MAST4: variants seen among roughly 807,000 people sequenced by gnomAD.
The protein encoded by MAST4 is microtubule-associated serine/threonine-protein kinase 4.
Under a neutral mutation model 162.7 loss-of-function variants are expected in MAST4, and 89 were observed. The observed-to-expected ratio is 0.55, with a 90% CI of 0.46 to 0.65. The LOEUF (loss-of-function observed/expected upper bound fraction) is 0.65, where lower values mean the gene tolerates loss of function less well. MAST4 is among the 30% of genes least tolerant of loss of function. MAST4 has a pLI of 0.00. For missense variants in MAST4, 3,153 were observed against 3,374.0 expected (o/e 0.93, Z 1.62); for synonymous variants, 1,479 against 1,361.1 (o/e 1.09, Z -1.91).
At chr5:67,146,586 C>G (rs868827623) in intron 23 of MAST4, among the ~76,000 whole-genome samples, 5 of 152,072 alleles carry the variant, frequency 3.3e-5, no homozygotes, top group Non-Finnish European at 5.9e-5. Flanking sequence ...ACTGAATATT[C>G]ATAGTGTAAG....
At chr5:66,866,559 G>T (rs1193696300) in intron 3 of MAST4, among the ~76,000 whole-genome samples, 2 of 152,072 alleles carry the variant, frequency 1.3e-5, no homozygotes, top group Non-Finnish European at 2.9e-5. Flanking sequence ...ATCCTGTATG[G>T]CTTTACTTAC....
At chr5:66,653,090 A>G (rs2149450151) in intron 1 of MAST4, among the ~76,000 whole-genome samples, 1 of 152,198 alleles carries the variant, frequency 6.6e-6, no homozygotes, top group African/African-American at 2.4e-5. Context: ...CTTGCCATCA[A>G]TCTCATTTAG....
At chr5:66,885,718 A>G (rs536403487) in intron 3 of MAST4, among the ~76,000 whole-genome samples, 7 of 152,328 alleles carry the variant, frequency 4.6e-5, no homozygotes, top group Non-Finnish European at 8.8e-5. Flanking sequence ...TAGATTCTCT[A>G]AGTTTTCATT....
chr5:67,104,877 A>G (rs2150873747), intron 10 of MAST4, among the ~76,000 whole-genome samples: 1 of 152,306 alleles, frequency 6.6e-6, no homozygotes, highest in South Asian at 2.1e-4. Flanking sequence ...CCCTTTAACC[A>G]TAAAGTTATA....
chr5:66,812,842 C>T (rs1315816344), intron 3 of MAST4, among the ~76,000 whole-genome samples: 1 of 152,100 alleles, frequency 6.6e-6, no homozygotes, highest in African/African-American at 2.4e-5. Context: ...TCACATCTTC[C>T]CTATTCTCTC....
chr5:67,006,302 T>C (rs968960199), intron 4 of MAST4, among the ~76,000 whole-genome samples: 4 of 152,254 alleles, frequency 2.6e-5, no homozygotes, highest in African/African-American at 7.2e-5. Flanking sequence ...AAGTTGTACC[T>C]TTTAAGTAAT....
At chr5:66,602,763 G>T (rs1458891948) in intron 1 of MAST4, among the ~76,000 whole-genome samples, 1 of 152,156 alleles carries the variant, frequency 6.6e-6, no homozygotes, top group African/African-American at 2.4e-5. Context: ...TTGCCAGAAA[G>T]GGCTTGCATT....
At position 66,625,039 on chromosome 5, in the gene MAST4, A is replaced by AT. The variant is rs1258255252; in HGVS notation, c.363+28028dup. 9.1e-5 allele frequency among the ~76,000 whole-genome samples: 9 copies of AT among 98,968 alleles called. No individual in the cohort carries two copies. The South Asian group carries it at 1.3e-3, about 15-fold the overall frequency. The allele number at this position is 98,968 out of a possible 152,430, so 64.9% of individuals were successfully genotyped here. ...AAGGAAATAATCAAAATGAAGTGTT[A>AT]TTTTTTTGTACATGCAAAGCTCTAG... On this transcript the variant is annotated intron_variant, in intron 1 of 28. Transcript: ENST00000403625.
intron 4 of MAST4, among the ~76,000 whole-genome samples, chr5:66,951,454 C>G (rs1744661290): frequency 6.6e-6 from 1 of 152,104 alleles, no homozygotes; most frequent in South Asian, 2.1e-4. Flanking sequence ...TACACTGGGT[C>G]CACACAGACA....
At chr5:66,800,344 A>G (rs1755856222) in intron 3 of MAST4, among the ~76,000 whole-genome samples, 1 of 152,218 alleles carries the variant, frequency 6.6e-6, no homozygotes, top group African/African-American at 2.4e-5. Flanking sequence ...CAGATACATC[A>G]TGGAATATTA....
chr5:67,012,803 C>T (rs1272640803), intron 4 of MAST4, among the ~76,000 whole-genome samples: 1 of 152,054 alleles, frequency 6.6e-6, no homozygotes, highest in East Asian at 1.9e-4. Flanking sequence ...GATCTTAAAC[C>T]TTATTAATAC....
chr5:66,832,467 A>G (rs1757675205), intron 3 of MAST4, among the ~76,000 whole-genome samples: 1 of 152,048 alleles, frequency 6.6e-6, no homozygotes, highest in South Asian at 2.1e-4. Flanking sequence ...TAAAACAACA[A>G]CAAAAAGATA....
intron 3 of MAST4, among the ~76,000 whole-genome samples, chr5:66,813,903 AGAATTG>A (rs1359394588): frequency 6.6e-6 from 1 of 152,224 alleles, no homozygotes; most frequent in African/African-American, 2.4e-5. Context: ...CATTGCTTTC[AGAATTG>A]TTTTGTTGGA....
At chr5:66,692,112 A>C (rs1266864768) in intron 1 of MAST4, among the ~76,000 whole-genome samples, 2 of 152,138 alleles carry the variant, frequency 1.3e-5, no homozygotes, top group Non-Finnish European at 2.9e-5. Flanking sequence ...ATATTATATA[A>C]AGTATGCTTC....
intron 1 of MAST4, among the ~76,000 whole-genome samples, chr5:66,665,775 C>T (rs1473185912): frequency 6.6e-6 from 1 of 152,124 alleles, no homozygotes; most frequent in Non-Finnish European, 1.5e-5. Context: ...GTCTCAGTTT[C>T]CTCACTGGTA....
intron 1 of MAST4, among the ~76,000 whole-genome samples, chr5:66,667,050 ACAT>A (rs890582246): frequency 3.7e-4 from 57 of 152,330 alleles, no homozygotes; most frequent in African/African-American, 1.3e-3. Context: ...AAAGAGGCGA[ACAT>A]CATGCTTTGG....
At chr5:66,704,492 CTTTTTTTTT>C (rs1172510331) in intron 1 of MAST4, among the ~76,000 whole-genome samples, 2 of 97,354 alleles carry the variant, frequency 2.1e-5, no homozygotes, top group African/African-American at 4.3e-5. Flanking sequence ...GCTTGTTGTT[CTTTTTTTTT>C]TTTTTTTTTT....
At chr5:66,806,177 G>T (rs1756176897) in intron 3 of MAST4, among the ~76,000 whole-genome samples, 1 of 152,150 alleles carries the variant, frequency 6.6e-6, no homozygotes, top group Admixed American at 6.5e-5. Context: ...TGCTCAAAGG[G>T]AGATGGGTGC....
chr5:66,989,521 T>A (rs1020594605), intron 4 of MAST4, among the ~76,000 whole-genome samples: 1 of 152,134 alleles, frequency 6.6e-6, no homozygotes, highest in Non-Finnish European at 1.5e-5. Context: ...ACAGCAGGAA[T>A]GCAGGTCTGT....
Sources: gnomAD v4.1 joint callset for allele counts (sites outside exome capture counted in the v4.1 genomes callset) on GRCh38, gnomAD v4.1.1 for gene constraint, MANE v1.5 for transcripts, NCBI Gene and HGNC (gene_info 2026-07-23, HGNC 2026-07-21) for gene names.